RGS20: variants seen among roughly 807,000 people sequenced by gnomAD.
RGS20 encodes gz-selective GTPase-activating protein.
In RGS20, 30 loss-of-function variants were observed where a neutral mutation model predicts 33.6. The ratio of observed to expected loss-of-function variants is 0.89; its 90% CI spans 0.67 to 1.21. The LOEUF (loss-of-function observed/expected upper bound fraction) is 1.21. RGS20 is among the 50% of genes most tolerant of loss of function. The pLI, the probability that RGS20 is intolerant of heterozygous loss-of-function variation, is 0.00. For synonymous variants in RGS20, 208 were observed against 197.9 expected, an observed-to-expected ratio of 1.05 and a Z score of -0.43; for missense variants, 472 against 502.4, an observed-to-expected ratio of 0.94 and a Z score of 0.58.
rs183510398 is a variant in RGS20, at chr8:53,929,561, G to A, written c.511-10015G>A. 5.7e-4 allele frequency among the ~76,000 whole-genome samples: 87 copies of A among 152,240 alleles called. No individual in the cohort carries two copies. In the East Asian group the frequency reaches 0.015, roughly 27 times the overall value. ...CGGACGCCTGTAATTCCAGCTACTCGGGAGGCTGAAGCAAGAGAATTGCTT... is the reference window on the plus strand; with the variant it reads ...CGGACGCCTGTAATTCCAGCTACTCAGGAGGCTGAAGCAAGAGAATTGCTT... On this transcript the variant is annotated intron_variant, in intron 2 of 5. Coordinates refer to ENST00000297313, the MANE Select transcript of RGS20 (RefSeq NM_170587.4).
chr8:53,928,000 C>T (rs1585929685), intron 2 of RGS20, among the ~76,000 whole-genome samples: 1 of 152,248 alleles, frequency 6.6e-6, no homozygotes, highest in East Asian at 1.9e-4. Flanking sequence ...AAGGGTGACT[C>T]AACATCAAGA....
chr8:53,887,277 G>C (rs540329225), intron 2 of RGS20: 1 of 192,512 alleles, frequency 5.2e-6, no homozygotes, highest in East Asian at 1.2e-4. Flanking sequence ...CATAAAAAGA[G>C]TAAATTCCTT....
intron 2 of RGS20, among the ~76,000 whole-genome samples, chr8:53,903,342 A>G (rs915741117): frequency 4.6e-5 from 7 of 152,240 alleles, no homozygotes; most frequent in African/African-American, 1.2e-4. Flanking sequence ...GAGGCTTACA[A>G]CATTTGTTAC....
chr8:53,945,843 C>A (rs953314923), intron 3 of RGS20, among the ~76,000 whole-genome samples: 1 of 151,430 alleles, frequency 6.6e-6, no homozygotes, highest in Non-Finnish European at 1.5e-5. Context: ...GCTGAGATTG[C>A]GCCACAGCAC....
chr8:53,919,518 A>AT (rs1275676603), intron 2 of RGS20, among the ~76,000 whole-genome samples: 59 of 146,348 alleles, frequency 4.0e-4, no homozygotes, highest in African/African-American at 1.1e-3. Flanking sequence ...ATTTTTGTAT[A>AT]TTTTTTTTGT....
rs1037308571 is a variant in RGS20 at position 53,877,020 on chromosome 8, TACGAGTTCGC to T, written c.166-2234_166-2225del. Among the ~76,000 whole-genome samples the T allele has an allele frequency of 3.3e-5, 5 of 152,142 alleles. No individual in the cohort carries two copies. The highest frequency in any genetic ancestry group is 1.2e-4 in the African/African-American group (5 of 41,424). The stretch of plus-strand genomic sequence containing the variant: ...ACTGGGGCGAAGGGAGAAAGGAGGT[TACGAGTTCGC>T]ACGTTCTCACAAAACCATTTGAAAA... On this transcript the variant is annotated intron_variant, in intron 1 of 5. Coordinates refer to ENST00000297313, the MANE Select transcript of RGS20 (RefSeq NM_170587.4). The surrounding 1 kb of genome is among the most constrained non-coding windows in gnomAD (Gnocchi z 5.7).
intron 2 of RGS20, among the ~76,000 whole-genome samples, chr8:53,925,344 G>A (rs1342541431): frequency 1.3e-5 from 2 of 152,072 alleles, no homozygotes; most frequent in Non-Finnish European, 2.9e-5. Flanking sequence ...GGATGGAAGT[G>A]ATGGGTGGAA....
rs938489328 is a variant in RGS20, at chr8:53,930,940, G to A, written c.511-8636G>A. Among the ~76,000 whole-genome samples, 16 of 152,162 alleles carry A rather than the reference G, an allele frequency of 1.1e-4. No homozygotes were observed. In the East Asian group the frequency reaches 1.7e-3, roughly 16 times the overall value. On this transcript the variant is annotated intron_variant, in intron 2 of 5. Transcript: ENST00000297313. ...GGCTTGTCCTGAGGCCTCAGTGCCC[G>A]AATTGAGTGAATGAAGTGAAACCAT...
At chr8:53,919,110 A>G (rs186060392) in intron 2 of RGS20, among the ~76,000 whole-genome samples, 3 of 152,346 alleles carry the variant, frequency 2.0e-5, no homozygotes, top group Admixed American at 6.5e-5. Context: ...GTAGGAATAA[A>G]ATAGTATTTC....
chr8:53,943,572 A>G (rs1211803040), intron 3 of RGS20, among the ~76,000 whole-genome samples: 1 of 152,222 alleles, frequency 6.6e-6, no homozygotes, highest in Non-Finnish European at 1.5e-5. Flanking sequence ...TGCTGTAACA[A>G]TAACAGTGGA....
chr8:53,887,734 T>C (rs1468976574), intron 2 of RGS20, among the ~76,000 whole-genome samples: 1 of 152,182 alleles, frequency 6.6e-6, no homozygotes, highest in Non-Finnish European at 1.5e-5. Context: ...TCCCACACTT[T>C]AGGAGGCCAA....
chr8:53,910,614 C>G (rs538299643), intron 2 of RGS20, among the ~76,000 whole-genome samples: 1 of 152,274 alleles, frequency 6.6e-6, no homozygotes, highest in South Asian at 2.1e-4. Flanking sequence ...AAAACATACA[C>G]CCACACAAAA....
At chr8:53,927,153 C>A (rs1813823240) in intron 2 of RGS20, among the ~76,000 whole-genome samples, 2 of 151,136 alleles carry the variant, frequency 1.3e-5, no homozygotes, top group Non-Finnish European at 2.9e-5. Flanking sequence ...AAGCTATCAA[C>A]CTGTATTATT....
intron 2 of RGS20, among the ~76,000 whole-genome samples, chr8:53,913,037 C>G (rs1448131358): frequency 6.6e-6 from 1 of 151,910 alleles, no homozygotes; most frequent in Non-Finnish European, 1.5e-5. Context: ...GCAAACTCAG[C>G]TCACTGCAAA....
At chr8:53,947,943 A>T (rs975591701) in intron 4 of RGS20, among the ~76,000 whole-genome samples, 1 of 135,690 alleles carries the variant, frequency 7.4e-6, no homozygotes, top group African/African-American at 2.7e-5. Context: ...TATATATATA[A>T]GATATAGTAT....
At chr8:53,939,546 C>T in intron 2 of RGS20, 30 bp from the exon 2 acceptor site, 2 of 1,465,244 alleles carry the variant, frequency 1.4e-6, no homozygotes, top group South Asian at 1.4e-5. Context: ...GAACCCCCTC[C>T]CGCCCGCTTT....
chr8:53,871,150 A>G lies in RGS20; in HGVS notation c.166-8108A>G, dbSNP rs948862541. On this transcript the variant is annotated intron_variant, in intron 1 of 5. Transcript: ENST00000297313. ...AAAAAAAAAAAAAAAAAGATTAGCA[A>G]TATGTTTTCCCCTTTCCCCAGACTC... Among the ~76,000 whole-genome samples the G allele has an allele frequency of 3.3e-5, 5 of 149,968 alleles. No individual in the cohort carries two copies. In the East Asian group the frequency reaches 7.9e-4, roughly 24 times the overall value.
At chr8:53,906,835 T>G (rs899275286) in intron 2 of RGS20, among the ~76,000 whole-genome samples, 1 of 152,094 alleles carries the variant, frequency 6.6e-6, no homozygotes, top group African/African-American at 2.4e-5. Flanking sequence ...GGGAGAGATA[T>G]GTATAGGGCA....
At chr8:53,915,743 G>A in intron 2 of RGS20, among the ~76,000 whole-genome samples, 1 of 152,164 alleles carries the variant, frequency 6.6e-6, no homozygotes, top group East Asian at 1.9e-4. Flanking sequence ...CAAGGACAGG[G>A]CTGGTGCCCG....
Sources: allele counts gnomAD v4.1 joint callset (sites outside exome capture counted in the v4.1 genomes callset), GRCh38; gene constraint gnomAD v4.1.1; non-coding constraint Gnocchi (gnomAD v3.1); transcripts MANE v1.5; gene names NCBI Gene and HGNC (gene_info 2026-07-23, HGNC 2026-07-21).